Variants in VPS13C observed in about 807,000 individuals in gnomAD.
VPS13C encodes the protein intermembrane lipid transfer protein VPS13C.
In VPS13C, 358 loss-of-function variants were observed where a neutral mutation model predicts 456.8. That is an observed-to-expected ratio of 0.78 (90% CI 0.72 to 0.86). VPS13C has a LOEUF of 0.86. VPS13C is among the 40% of genes least tolerant of loss of function. VPS13C has a pLI of 0.00. For missense variants in VPS13C, 4,818 were observed against 4,385.4 expected, an observed-to-expected ratio of 1.10 and a Z score of -2.79; for synonymous variants, 1,578 against 1,486.7, an observed-to-expected ratio of 1.06 and a Z score of -1.41.
At chr15:62,011,907 C>A (rs1051638619) in intron 12 of VPS13C, among the ~76,000 whole-genome samples, 200 bp downstream of exon 12, 1 of 151,972 alleles carries the variant, frequency 6.6e-6, no homozygotes, top group Non-Finnish European at 1.5e-5. Context: ...CTGCCCTTCT[C>A]TCTCTCTTAT....
At position 61,987,734 on chromosome 15, in the gene VPS13C, C is replaced by T. The variant is rs991647209; in HGVS notation, c.1579-2735G>A. 3.3e-5 allele frequency among the ~76,000 whole-genome samples: 5 copies of T among 152,200 alleles called. No homozygotes were observed. The South Asian group carries it at 1.0e-3, about 32-fold the overall frequency. ...CGCTAAAATGGCTAAAATTAAAAAG[C>T]CTGGCAATATCAAATGTGGTCAAGA... On this transcript the variant is annotated intron_variant, in intron 18 of 84. Transcript: ENST00000644861.
chr15:61,965,065 C>G (rs1459103613), intron 30 of VPS13C, among the ~76,000 whole-genome samples: 1 of 151,862 alleles, frequency 6.6e-6, no homozygotes, highest in East Asian at 1.9e-4. Context: ...AGGGGTACAT[C>G]AGAATATTAC....
intron 42 of VPS13C, among the ~76,000 whole-genome samples, chr15:61,948,667 A>C (rs2044687459): frequency 1.3e-5 from 2 of 152,082 alleles, no homozygotes; most frequent in African/African-American, 4.8e-5. Flanking sequence ...TGAGCAACAA[A>C]AGTGAAATTC....
intron 35 of VPS13C, 129 bp downstream of exon 35, chr15:61,961,460 A>T (rs947282135): frequency 1.2e-6 from 1 of 861,062 alleles, no homozygotes; most frequent in Non-Finnish European, 1.7e-6. Context: ...TGACAACAAT[A>T]AAAAAAACTG....
intron 3 of VPS13C, among the ~76,000 whole-genome samples, chr15:62,037,414 A>G (rs1404584494): frequency 2.0e-5 from 2 of 101,958 alleles, no homozygotes; most frequent in Non-Finnish European, 4.0e-5. Context: ...AAATATATAT[A>G]ATATGTTATA....
chr15:61,913,547 A>G (rs1366876998), intron 61 of VPS13C, 132 bp from the exon 62 acceptor site: 6 of 677,682 alleles, frequency 8.9e-6, no homozygotes, highest in Non-Finnish European at 1.4e-5. Context: ...TCAAAGCCAT[A>G]TTGCAAACAG....
rs375989096 is a variant in VPS13C, at chr15:61,918,223, T to C, written c.7673A>G (p.Tyr2558Cys). The C allele has an allele frequency of 6.3e-7, 1 of 1,591,246 alleles. No homozygotes were observed. Among genetic ancestry groups the C allele is most frequent in the South Asian group, 1.2e-5 (1 of 86,100 alleles). The stretch of plus-strand genomic sequence containing the variant: ...TAGCTTAACATTCTTAACAAATTTA[T>C]AGATGATAAATGCAATGGAGAAATG... ...KNHFSIAFII[Y>C]KFVKNVKLLE... Residue 2558 changes from tyrosine (Y) to cysteine (C), a missense_variant, in exon 59 of 85, where the codon TAT becomes TGT. Physicochemically the swap from Tyr to Cys is radical, Grantham distance 194. Around this residue, in one of 3 missense-constraint regions of VPS13C, gnomAD observed 4,552 missense variants for 4,130.6 expected, o/e 1.10. Transcript: ENST00000644861.
At position 61,984,950 on chromosome 15, in the gene VPS13C, A is replaced by G; in HGVS notation, c.1628T>C (p.Ile543Thr). Residue 543 changes from isoleucine to threonine, a missense_variant, in exon 19 of 85, where the codon ATA becomes ACA. Physicochemically the swap from Ile to Thr is moderately conservative, Grantham distance 89. Coordinates refer to ENST00000644861, the MANE Select transcript of VPS13C (RefSeq NM_020821.3). The part of the protein sequence containing the change: ...TLKLVSTSVT[I>T]RENKNIPEIL... Reference sequence around the variant, plus strand: ...TTCTGGAATATTCTTGTTTTCTCTTATCGTAACAGAGGTGCTTACTAACTT... The same window carrying G: ...TTCTGGAATATTCTTGTTTTCTCTTGTCGTAACAGAGGTGCTTACTAACTT... 1 of 1,610,602 alleles carries G rather than the reference A, an allele frequency of 6.2e-7. No individual in the cohort carries two copies. Among genetic ancestry groups the G allele is most frequent in the Non-Finnish European group, 8.5e-7 (1 of 1,178,790 alleles).
At position 61,977,993 on chromosome 15, in the gene VPS13C, C is replaced by A. The variant is rs557380310; in HGVS notation, c.2290+633G>T. On this transcript the variant is annotated intron_variant, in intron 23 of 84. Transcript: ENST00000644861. ...CCTTTCCTCTAATGACCTACCACAACGTGATACTATGATCAAGGATAATTA... is the reference window on the plus strand; with the variant it reads ...CCTTTCCTCTAATGACCTACCACAAAGTGATACTATGATCAAGGATAATTA... Among the ~76,000 whole-genome samples the A allele has an allele frequency of 6.6e-5, 10 of 151,876 alleles. 1 individual carries two copies. Among genetic ancestry groups the A allele is most frequent in the South Asian group, 6.2e-4 (3 of 4,832 alleles).
Position 61,874,937 on chromosome 15 carries a change from G to T in VPS13C, c.10353C>A (p.Gly3451=). Residue 3451 remains glycine, a synonymous_variant, in exon 77 of 85, where the codon GGC becomes GGA. Transcript: ENST00000644861. ...CTAACCCCTCTGCAAATTCTTCAGG[G>T]CCTTGAACAGCACCCTGGCAAAAAA... ...FYEPFQGAVQ[G]PEEFAEGLVI... The T allele has an allele frequency of 6.4e-7, 1 of 1,567,434 alleles. No individual in the cohort carries two copies.
chr15:62,042,812 T>C (rs1211754363), intron 2 of VPS13C, among the ~76,000 whole-genome samples: 3 of 151,972 alleles, frequency 2.0e-5, no homozygotes, highest in Admixed American at 6.6e-5. Context: ...ATATACCTAA[T>C]GTAAATGACA....
intron 73 of VPS13C, 29 bp from the exon 74 acceptor site, chr15:61,878,775 A>G (rs753467200): frequency 1.3e-6 from 2 of 1,575,656 alleles, no homozygotes; most frequent in South Asian, 1.2e-5. Flanking sequence ...TCAATAAATG[A>G]AAGCTAAAAG....
intron 19 of VPS13C, 33 bp from the exon 20 acceptor site, chr15:61,984,045 G>T: frequency 1.3e-6 from 2 of 1,583,490 alleles, no homozygotes; most frequent in Non-Finnish European, 1.7e-6. Flanking sequence ...GAAAGATGCA[G>T]ACAAGGTCTT....
chr15:61,950,977 C>T lies in VPS13C; in HGVS notation c.4504G>A (p.Asp1502Asn), dbSNP rs377317514. 3.1e-6 allele frequency: 5 copies of T among 1,604,102 alleles called. No individual in the cohort carries two copies. The highest frequency in any genetic ancestry group is 1.7e-5 in the Admixed American group (1 of 58,866). ...AGTAACATTTTCAGAAGGGGTTCGT[C>T]AGTCACATTAGAAGAGTTAATAATG... ...LHIINSSNVT[D>N]EPLLKMLLTK... The change falls in exon 40 of 85, where the codon GAC becomes AAC. Residue 1502 changes from aspartate (D) to asparagine (N), a missense_variant. This residue lies in a region of VPS13C where 4,552 missense variants were observed against 4,130.6 expected (regional missense o/e 1.10). Coordinates refer to ENST00000644861, the MANE Select transcript of VPS13C (RefSeq NM_020821.3).
At chr15:61,988,012 A>C (rs1196530489) in intron 18 of VPS13C, among the ~76,000 whole-genome samples, 1 of 152,224 alleles carries the variant, frequency 6.6e-6, no homozygotes, top group East Asian at 1.9e-4. Flanking sequence ...ATAAAAAATT[A>C]TGGTATATTC....
chr15:61,862,509 A>T (rs1894280326), intron 82 of VPS13C, among the ~76,000 whole-genome samples: 1 of 152,238 alleles, frequency 6.6e-6, no homozygotes, highest in African/African-American at 2.4e-5. Flanking sequence ...AAATGAATTA[A>T]CACATTGCAA....
At chr15:61,922,899 CTAATT>C (rs1567008240) in intron 53 of VPS13C, 137 bp from the exon 54 acceptor site, 2 of 736,592 alleles carry the variant, frequency 2.7e-6, no homozygotes, top group Non-Finnish European at 3.7e-6. Context: ...ATTAAAGTAA[CTAATT>C]TAAATTTTGA....
intron 66 of VPS13C, among the ~76,000 whole-genome samples, chr15:61,899,847 G>T (rs571787927): frequency 6.6e-6 from 1 of 151,318 alleles, no homozygotes; most frequent in African/African-American, 2.4e-5. Flanking sequence ...GATGAACATC[G>T]ATGCAAAAAT....
intron 68 of VPS13C, among the ~76,000 whole-genome samples, chr15:61,883,130 C>A (rs150550440): frequency 1.3e-3 from 190 of 151,950 alleles, no homozygotes; most frequent in South Asian, 1.9e-3. Flanking sequence ...TCAAGTGATA[C>A]TCCTGCCTCA....
Sources: allele counts gnomAD v4.1 joint callset (sites outside exome capture counted in the v4.1 genomes callset), GRCh38; gene constraint gnomAD v4.1.1; regional missense constraint gnomAD v4.1.1; transcripts MANE v1.5; gene names NCBI Gene and HGNC (gene_info 2026-07-23, HGNC 2026-07-21).